ZCCHC14: variants seen among roughly 807,000 people sequenced by gnomAD.
ZCCHC14 encodes the protein zinc finger CCHC-type containing 14.
Under a neutral mutation model 85.0 loss-of-function variants are expected in ZCCHC14, and 16 were observed. The ratio of observed to expected loss-of-function variants is 0.19; its 90% CI spans 0.13 to 0.29. ZCCHC14 has a LOEUF of 0.29. Ranked by LOEUF, ZCCHC14 falls within the 10% of genes least tolerant of loss-of-function variation. The pLI is 1.00. For synonymous variants in ZCCHC14, 775 were observed against 630.7 expected (o/e 1.23, Z -3.43); for missense variants, 1,303 against 1,443.5 (o/e 0.90, Z 1.58).
At chr16:87,481,803 G>A (rs1235194077) in intron 1 of ZCCHC14, among the ~76,000 whole-genome samples, 1 of 152,192 alleles carries the variant, frequency 6.6e-6, no homozygotes, top group Admixed American at 6.5e-5. Flanking sequence ...GTCTTGGTCT[G>A]TTTTGTGTTC....
intron 1 of ZCCHC14, chr16:87,473,204 CT>C (rs879513379): frequency 0.017 from 2,443 of 141,884 alleles, 60 homozygotes; most frequent in African/African-American, 0.053. Flanking sequence ...ATCTACAGGA[CT>C]TTTTTTTTTT....
At position 87,420,592 on chromosome 16, in the gene ZCCHC14, T is replaced by C. The variant is rs1301932327; in HGVS notation, c.950+15A>G. The C allele has an allele frequency of 7.5e-6, 12 of 1,606,094 alleles. No homozygotes were observed. Among genetic ancestry groups the C allele is most frequent in the South Asian group, 1.1e-5 (1 of 89,728 alleles). ...GCCAGCTGTGGACGCGCCGGGTGCC[T>C]GGTAAGGGCCTCACCTCAGGCCTGA... On this transcript the variant is annotated intron_variant, in intron 5 of 12. Transcript: ENST00000671377. This position sits in a 1 kb window ranked among gnomAD's most constrained non-coding sequence, Gnocchi z 5.0.
At chr16:87,467,992 C>A (rs1164014119) in intron 1 of ZCCHC14, among the ~76,000 whole-genome samples, 1 of 152,190 alleles carries the variant, frequency 6.6e-6, no homozygotes, top group Non-Finnish European at 1.5e-5. Context: ...CTGCGCCTGG[C>A]TCCCAAAGTA....
At position 87,481,130 on chromosome 16, in the gene ZCCHC14, G is replaced by C. The variant is rs116666930; in HGVS notation, c.570+10539C>G. On this transcript the variant is annotated intron_variant, in intron 1 of 12. Transcript: ENST00000671377. ...TATGGAGGCAGACCCAGGCCAGGGA[G>C]ACCAAAAAGGGTTACAGCGGGCAGA... 2.2e-3 allele frequency among the ~76,000 whole-genome samples: 336 copies of C among 152,066 alleles called. 1 individual carries two copies. Among genetic ancestry groups the C allele is most frequent in the African/African-American group, 7.7e-3 (319 of 41,484 alleles).
intron 1 of ZCCHC14, among the ~76,000 whole-genome samples, chr16:87,477,895 G>A (rs976799164): frequency 1.4e-4 from 19 of 132,772 alleles, no homozygotes; most frequent in African/African-American, 2.4e-4. Context: ...CGCCCCCACC[G>A]CATCCCCCTG....
chr16:87,456,206 G>C (rs902380446), intron 2 of ZCCHC14, among the ~76,000 whole-genome samples: 1 of 152,156 alleles, frequency 6.6e-6, no homozygotes, highest in African/African-American at 2.4e-5. Context: ...GCACAACCCA[G>C]GAAAGGCCAC....
rs141317335 is a variant in ZCCHC14, at chr16:87,413,110, G to A, written c.1689C>T (p.Pro563=). 1.1e-4 allele frequency: 173 copies of A among 1,613,788 alleles called. No individual in the cohort carries two copies. In the African/African-American group the frequency reaches 2.1e-3, roughly 19 times the overall value. ...TCTCTTCCCGGGCCTGTACCCCCAT[G>A]GGGCTGGAGGAGGAGCTGGAGTACT... The part of the protein sequence containing the change: ...SSEYSSSSSS[P]MGVQAREESS... The change falls in exon 11 of 13, where the codon CCC becomes CCT. Residue 563 remains proline, a synonymous_variant. Transcript: ENST00000671377.
chr16:87,455,575 T>G (rs1910916802), intron 2 of ZCCHC14, among the ~76,000 whole-genome samples: 1 of 152,206 alleles, frequency 6.6e-6, no homozygotes, highest in African/African-American at 2.4e-5. Context: ...TAATCACATT[T>G]TCTTCAGGGA....
chr16:87,485,291 C>T (rs1422749549), intron 1 of ZCCHC14, among the ~76,000 whole-genome samples: 1 of 152,174 alleles, frequency 6.6e-6, no homozygotes, highest in African/African-American at 2.4e-5. Flanking sequence ...AGCTTCAGGT[C>T]TTTTAACCCA....
At chr16:87,467,148 T>C (rs901785031) in intron 1 of ZCCHC14, 2 of 1,133,138 alleles carry the variant, frequency 1.8e-6, no homozygotes, top group Non-Finnish European at 2.6e-6. Flanking sequence ...ATCAGACCTG[T>C]TGATAGATGA....
intron 2 of ZCCHC14, among the ~76,000 whole-genome samples, chr16:87,447,420 A>T (rs1180333821): frequency 3.3e-5 from 5 of 152,190 alleles, no homozygotes. Flanking sequence ...TCCTTGAATC[A>T]AGACGCAGTG....
At position 87,419,799 on chromosome 16, in the gene ZCCHC14, C is replaced by T. The variant is rs144986977; in HGVS notation, c.1029G>A (p.Gln343=). ...CAAACTCACTTGGACTCTGAAGCTG[C>T]TGTGGGGGAGAGGAAGTGCTGAGAA... ...RRFLSTSSPP[Q]QLQSPSPGNP... The change falls in exon 6 of 13, where the codon CAG becomes CAA. Residue 343 remains glutamine, a synonymous_variant. Transcript: ENST00000671377. 4.9e-5 allele frequency: 79 copies of T among 1,608,256 alleles called. No individual in the cohort carries two copies. The African/African-American group carries it at 9.3e-4, about 19-fold the overall frequency.
rs997394478 is a variant in ZCCHC14, at chr16:87,407,171, CAG to C, written c.*3107_*3108del. 2 of 152,232 alleles carry C rather than the reference CAG, an allele frequency of 1.3e-5. No homozygotes were observed. The highest frequency in any genetic ancestry group is 2.9e-5 in the Non-Finnish European group (2 of 68,058). The allele number at this position is 152,232 out of a possible 1,614,324, so 9.4% of individuals were successfully genotyped here. A position where few individuals can be genotyped will look rare whatever the true frequency, so the allele number is the denominator to read the frequency against. On this transcript the variant is annotated 3_prime_UTR_variant, in exon 13 of 13. Transcript: ENST00000671377. Reference sequence around the variant, plus strand: ...CCCGCCCCACTACTGTGCCCCAAGACAGAGTCTGTGGTATAAACTAACTGTGC... The same window carrying C: ...CCCGCCCCACTACTGTGCCCCAAGACAGTCTGTGGTATAAACTAACTGTGC...
intron 2 of ZCCHC14, among the ~76,000 whole-genome samples, chr16:87,434,986 G>A (rs116784821): frequency 0.11 from 4,847 of 44,870 alleles, 329 homozygotes; most frequent in African/African-American, 0.32. Context: ...GTGAGACTTC[G>A]CCTCAAAAAA....
At chr16:87,445,227 C>T (rs576421666) in intron 2 of ZCCHC14, among the ~76,000 whole-genome samples, 1 of 152,120 alleles carries the variant, frequency 6.6e-6, no homozygotes, top group Non-Finnish European at 1.5e-5. Context: ...CTACCACGCC[C>T]AGCTAATTTT....
At chr16:87,436,240 C>G (rs1909913795) in intron 2 of ZCCHC14, among the ~76,000 whole-genome samples, 1 of 152,256 alleles carries the variant, frequency 6.6e-6, no homozygotes, top group Admixed American at 6.5e-5. Flanking sequence ...CAGCTGTTTT[C>G]AAATAAAAGA....
At chr16:87,416,685 G>A (rs1028348302) in intron 8 of ZCCHC14, among the ~76,000 whole-genome samples, 11 of 152,096 alleles carry the variant, frequency 7.2e-5, no homozygotes, top group Admixed American at 6.6e-4. Flanking sequence ...GAACCCGGGA[G>A]GCAGAGGTTG....
chr16:87,482,051 C>G (rs1313525501), intron 1 of ZCCHC14, among the ~76,000 whole-genome samples: 1 of 152,178 alleles, frequency 6.6e-6, no homozygotes, highest in Non-Finnish European at 1.5e-5. Context: ...GATATTACCT[C>G]ATTGTAATGG....
At chr16:87,452,958 T>C (rs1483805874) in intron 2 of ZCCHC14, among the ~76,000 whole-genome samples, 1 of 152,148 alleles carries the variant, frequency 6.6e-6, no homozygotes, top group Non-Finnish European at 1.5e-5. Context: ...TGGAGATACC[T>C]TGGGGGCCCT....
Sources: allele counts gnomAD v4.1 joint callset (sites outside exome capture counted in the v4.1 genomes callset), GRCh38; gene constraint gnomAD v4.1.1; non-coding constraint Gnocchi (gnomAD v3.1); transcripts MANE v1.5; gene names NCBI Gene and HGNC (gene_info 2026-07-23, HGNC 2026-07-21).